POLRMT: variants seen among roughly 807,000 people sequenced by gnomAD.
POLRMT encodes the protein RNA polymerase mitochondrial.
In POLRMT, 114 loss-of-function variants were observed where a neutral mutation model predicts 132.2. That is an observed-to-expected ratio of 0.86 (90% CI 0.74 to 1.01). POLRMT has a LOEUF of 1.01. Among genes scored for constraint, POLRMT ranks in the 50% least tolerant of loss-of-function variants. The pLI is 0.00. For missense variants in POLRMT, 2,003 were observed against 1,729.1 expected, an observed-to-expected ratio of 1.16 and a Z score of -2.81; for synonymous variants, 1,020 against 773.4, an observed-to-expected ratio of 1.32 and a Z score of -5.29.
Position 619,693 on chromosome 19 carries a change from G to A in POLRMT, c.2959C>T (p.Arg987Cys), listed in dbSNP as rs531288692. 3.7e-6 allele frequency: 6 copies of A among 1,609,306 alleles called. No homozygotes were observed. The highest frequency in any genetic ancestry group is 2.2e-5 in the East Asian group (1 of 44,834). ...VAQVLEGFIT[R>C]KVVKQTVMTV... The stretch of plus-strand genomic sequence containing the variant: ...ATCACCGTCTGCTTCACCACCTTGC[G>A]GGTGATGAAACCTTCCAGCACCTGT... Residue 987 changes from arginine to cysteine, a missense_variant, in exon 13 of 21, where the codon CGC (arginine) becomes TGC (cysteine). By Grantham distance (180) the Arg-to-Cys change is radical. Transcript: ENST00000588649.
In POLRMT at chr19:621,282, T is replaced by G. The variant is rs757781469; in HGVS notation, c.2416A>C (p.Thr806Pro). Residue 806 changes from threonine (T) to proline (P), a missense_variant, in exon 10 of 21, where the codon ACC becomes CCC. Transcript: ENST00000588649. ...LPHNMDFRGR[T>P]YPCPPHFNHL... ...TTGAAGTGCGGCGGGCAGGGGTAGG[T>G]GCGGCCGCGGAAGTCCATGTTGTGC... The G allele has an allele frequency of 6.2e-7, 1 of 1,605,172 alleles. No individual in the cohort carries two copies. The highest frequency in any genetic ancestry group is 2.2e-5 in the East Asian group (1 of 44,664).
chr19:624,760 G>C lies in POLRMT; in HGVS notation c.1099C>G (p.Pro367Ala), dbSNP rs146221322. 4.0e-5 allele frequency: 64 copies of C among 1,613,810 alleles called. No individual in the cohort carries two copies. In the East Asian group the frequency reaches 1.4e-3, roughly 34 times the overall value. ...TFSLPPQLPPPVNTSKLLRDV... is the reference protein window; with the variant it reads ...TFSLPPQLPPAVNTSKLLRDV... The stretch of plus-strand genomic sequence containing the variant: ...CTGAGCAGCTTGGAGGTGTTGACCG[G>C]GGGCGGCAGCTGCGGCGGGAGGCTG... Residue 367 changes from proline to alanine, a missense_variant, in exon 5 of 21, where the codon CCG becomes GCG. Coordinates refer to ENST00000588649, the MANE Select transcript of POLRMT (RefSeq NM_005035.4).
Position 621,115 on chromosome 19 carries a change from C to T in POLRMT, c.2583G>A (p.Leu861=). 6.2e-7 allele frequency: 1 copy of T among 1,610,926 alleles called. No individual in the cohort carries two copies. Among genetic ancestry groups the T allele is most frequent in the Non-Finnish European group, 8.5e-7 (1 of 1,178,714 alleles). ...CATCCATCACCTCCTCCGCAAAGGC[C>T]AGGCGCTTCCGCAGCGGCTCCCGCT... is the stretch of plus-strand genomic sequence containing the variant. ...LKKREPLRKR[L]AFAEEVMDDI... Residue 861 remains leucine (L), a synonymous_variant, in exon 10 of 21, where the codon CTG becomes CTA. Coordinates refer to ENST00000588649, the MANE Select transcript of POLRMT (RefSeq NM_005035.4).
chr19:623,039 C>T (rs1984753861), intron 6 of POLRMT, 54 bp from the exon 7 acceptor site: 2 of 1,588,242 alleles, frequency 1.3e-6, no homozygotes, highest in African/African-American at 1.3e-5. Context: ...GGGACCCAGG[C>T]TCACAGGACG....
rs1263091872 is a variant in POLRMT at position 619,713 on chromosome 19, A to G, written c.2939T>C (p.Val980Ala). ...CTTGCGGGTGATGAAACCTTCCAGC[A>G]CCTGTGCCACCCGCATGCCCCGCTG... ...DAQRGMRVAQVLEGFITRKVV... is the reference protein window; with the variant it reads ...DAQRGMRVAQALEGFITRKVV... The change falls in exon 13 of 21, where the codon GTG (valine) becomes GCG (alanine). Residue 980 changes from valine to alanine, a missense_variant. By Grantham distance (64) the Val-to-Ala change is moderately conservative. Transcript: ENST00000588649. 1.2e-6 allele frequency: 2 copies of G among 1,605,538 alleles called. No individual in the cohort carries two copies. The highest frequency in any genetic ancestry group is 4.5e-5 in the East Asian group (2 of 44,768).
At chr19:619,529 C>CT (rs1984328759) in intron 13 of POLRMT, 57 bp downstream of exon 13, 7 of 1,598,964 alleles carry the variant, frequency 4.4e-6, no homozygotes, top group African/African-American at 2.7e-5. Flanking sequence ...GCACACCCGT[C>CT]TGAGTTTTAA....
chr19:632,453 T>A (rs1600600084), intron 2 of POLRMT, among the ~76,000 whole-genome samples: 2 of 150,156 alleles, frequency 1.3e-5, no homozygotes, highest in African/African-American at 4.9e-5. Flanking sequence ...ATTAGGCGCC[T>A]ACCCCCCAGA....
At position 622,914 on chromosome 19, in the gene POLRMT, G is replaced by A. The variant is rs569908796; in HGVS notation, c.1362C>T (p.Asn454=). 140 of 1,612,842 alleles carry A rather than the reference G, an allele frequency of 8.7e-5. No homozygotes were observed. In the Admixed American group the frequency reaches 2.3e-3, roughly 27 times the overall value. ...ALCRALRETK[N]RLEREVYEGR... is the part of the protein sequence containing the mutation. Reference sequence around the variant, plus strand: ...CCTCGTACACCTCGCGCTCTAGGCGGTTCTTGGTCTCCCGCAGCGCCCGGC... The same window carrying A: ...CCTCGTACACCTCGCGCTCTAGGCGATTCTTGGTCTCCCGCAGCGCCCGGC... The change falls in exon 7 of 21, where the codon AAC becomes AAT. Residue 454 remains asparagine (N), a synonymous_variant. Transcript: ENST00000588649.
At chr19:618,895 CGGTGGTACACTGGGGT>C (rs1354311548) in intron 15 of POLRMT, 86 bp downstream of exon 15, 82 of 1,343,294 alleles carry the variant, frequency 6.1e-5, no homozygotes, top group Middle Eastern at 2.6e-4. Flanking sequence ...CACACTGGGG[CGGTGGTACACTGGGGT>C]GGTGGTACGC....
chr19:619,869 C>A (rs1469215033), intron 12 of POLRMT, 89 bp downstream of exon 12: 2 of 1,580,632 alleles, frequency 1.3e-6, no homozygotes, highest in Admixed American at 1.7e-5. Flanking sequence ...ATCCTCAGGA[C>A]AGGCCAAGGT....
At chr19:620,220 G>C in intron 11 of POLRMT, 140 bp from the exon 12 acceptor site, 1 of 1,449,658 alleles carries the variant, frequency 6.9e-7, no homozygotes, top group Non-Finnish European at 9.2e-7. Flanking sequence ...ACGCTCCCGG[G>C]AGAGACCAGG....
At chr19:623,426 G>T in intron 6 of POLRMT, 28 bp downstream of exon 6, 20 of 1,606,776 alleles carry the variant, frequency 1.2e-5, no homozygotes, top group Non-Finnish European at 1.6e-5. Flanking sequence ...CCCCTGCGGC[G>T]GACACGGGAC....
In POLRMT at chr19:621,023, C is replaced by T. The variant is rs1293418457; in HGVS notation, c.2640+35G>A. The T allele has an allele frequency of 9.9e-6, 13 of 1,310,008 alleles. 1 individual carries two copies. Among genetic ancestry groups the T allele is most frequent in the Non-Finnish European group, 1.2e-5 (12 of 1,021,558 alleles). The allele number at this position is 1,310,008 out of a possible 1,614,324, so 81.1% of individuals were successfully genotyped here. A position where few individuals can be genotyped will look rare whatever the true frequency, so the allele number is the denominator to read the frequency against. Reference sequence around the variant, plus strand: ...GCGCCGGGGGAGGGCGCGGGGGTGCCGGGAGGGCGGGGAATGCGGGGGCCC... The same window carrying T: ...GCGCCGGGGGAGGGCGCGGGGGTGCTGGGAGGGCGGGGAATGCGGGGGCCC... On this transcript the variant is annotated intron_variant, in intron 10 of 20. Coordinates refer to ENST00000588649, the MANE Select transcript of POLRMT (RefSeq NM_005035.4).
intron 11 of POLRMT, 116 bp downstream of exon 11, chr19:620,249 C>G: frequency 1.4e-6 from 2 of 1,458,654 alleles, no homozygotes; most frequent in South Asian, 2.8e-5. Flanking sequence ...CTCCCGCACA[C>G]TCTAGGACCA....
At chr19:624,652 G>A in intron 5 of POLRMT, 67 bp downstream of exon 5, 8 of 1,544,776 alleles carry the variant, frequency 5.2e-6, no homozygotes, top group Non-Finnish European at 7.0e-6. Context: ...GGTCTGAGCT[G>A]AGGCTCCAGG....
chr19:622,811 G>GA lies in POLRMT; in HGVS notation c.1455+9dup. ...CGCCCGGGGACCCGGCCGCGCGGAG[G>GA]AAGACGCACCTGCAGGAGCATCCGC... On this transcript the variant is annotated intron_variant, in intron 7 of 20. Transcript: ENST00000588649. 6.3e-7 allele frequency: 1 copy of GA among 1,584,612 alleles called. No individual in the cohort carries two copies.
rs1419556418 is a variant in POLRMT at position 619,999 on chromosome 19, AG to A, written c.2844del (p.Ser949ArgfsTer42). 6.3e-7 allele frequency: 1 copy of A among 1,592,994 alleles called. No individual in the cohort carries two copies. On this transcript the variant is annotated frameshift_variant, in exon 12 of 21. Transcript: ENST00000588649. LOFTEE classifies it high-confidence loss of function. ...SVGAASVNLEPSDVPQDVYSG... is the reference protein window; with the variant it reads ...SVGAASVNLEXSDVPQDVYSG... ...CTGTACACGTCCTGCGGCACATCCG[AG>A]GGCTCCAGGTTGACGGAGGCGGCGC...
chr19:632,208 T>C (rs1274135354), intron 2 of POLRMT, among the ~76,000 whole-genome samples: 1 of 152,146 alleles, frequency 6.6e-6, no homozygotes, highest in Non-Finnish European at 1.5e-5. Flanking sequence ...GTGCTGGGAT[T>C]ACAGGCGTGA....
intron 3 of POLRMT, among the ~76,000 whole-genome samples, chr19:628,009 A>T (rs1040946492): frequency 1.3e-5 from 2 of 151,940 alleles, no homozygotes; most frequent in Non-Finnish European, 2.9e-5. Context: ...AATAAAAATT[A>T]AAACAATTAT....
Sources: gnomAD v4.1 joint callset for allele counts (sites outside exome capture counted in the v4.1 genomes callset) on GRCh38, gnomAD v4.1.1 for gene constraint, MANE v1.5 for transcripts, NCBI Gene and HGNC (gene_info 2026-07-23, HGNC 2026-07-21) for gene names.